Variants in SLIT3 observed in about 807,000 individuals in gnomAD.
The protein encoded by SLIT3 is slit guidance ligand 3.
In SLIT3, 68 loss-of-function variants were observed where a neutral mutation model predicts 184.0. The observed-to-expected ratio is 0.37, with a 90% CI of 0.30 to 0.45. SLIT3 has a LOEUF of 0.45. Among genes scored for constraint, SLIT3 ranks in the 20% least tolerant of loss-of-function variants. SLIT3 has a pLI of 1.00. For synonymous variants in SLIT3, 831 were observed against 828.6 expected, an observed-to-expected ratio of 1.00 and a Z score of -0.05; for missense variants, 1,707 against 2,026.0, an observed-to-expected ratio of 0.84 and a Z score of 3.02.
chr5:169,046,246 C>G (rs1476013998), intron 4 of SLIT3, among the ~76,000 whole-genome samples: 2 of 152,084 alleles, frequency 1.3e-5, no homozygotes, highest in Non-Finnish European at 2.9e-5. Flanking sequence ...TAGGGTCTGG[C>G]AGTGAAACAT....
chr5:169,253,901 C>T (rs1471238548), intron 1 of SLIT3, among the ~76,000 whole-genome samples: 6 of 152,140 alleles, frequency 3.9e-5, no homozygotes, highest in East Asian at 1.9e-4. Context: ...GCCTGTCCTT[C>T]GCAGCATTTC....
chr5:169,172,115 A>C (rs1040400596), intron 4 of SLIT3, among the ~76,000 whole-genome samples: 2 of 152,146 alleles, frequency 1.3e-5, no homozygotes, highest in Non-Finnish European at 2.9e-5. Context: ...CCTGGAGAGG[A>C]AAATGGGTGC....
intron 5 of SLIT3, among the ~76,000 whole-genome samples, chr5:168,867,497 T>G (rs967222962): frequency 6.6e-6 from 1 of 152,172 alleles, no homozygotes; most frequent in South Asian, 2.1e-4. Context: ...TCAGTGAAAA[T>G]GACCAGTGGT....
In SLIT3 at chr5:168,696,335, G is replaced by A. The variant is rs79266600; in HGVS notation, c.3039C>T (p.Asp1013=). ...NDCENNATCV[D]GINNYVCICP... ...AGATACACACGTAGTTGTTGATCCC[G>A]TCCACGCAGGTGGCATTGTTTTCGC... Residue 1013 remains aspartate, a synonymous_variant, in exon 28 of 36, where the codon GAC becomes GAT. Transcript: ENST00000519560. 125 of 1,614,168 alleles carry A rather than the reference G, an allele frequency of 7.7e-5. No individual in the cohort carries two copies. Among genetic ancestry groups the A allele is most frequent in the South Asian group, 2.0e-4 (18 of 91,080 alleles).
At chr5:168,845,655 A>G (rs1014280103) in intron 5 of SLIT3, among the ~76,000 whole-genome samples, 3 of 152,148 alleles carry the variant, frequency 2.0e-5, no homozygotes, top group Non-Finnish European at 2.9e-5. Context: ...AATATATATA[A>G]TGTGTAAGTC....
intron 4 of SLIT3, among the ~76,000 whole-genome samples, chr5:169,029,763 G>A (rs375375185): frequency 6.6e-6 from 1 of 152,096 alleles, no homozygotes; most frequent in South Asian, 2.1e-4. Context: ...GGGGAGGGAG[G>A]GAAGGAGAGA....
chr5:168,947,440 C>T (rs1762516058), intron 4 of SLIT3, among the ~76,000 whole-genome samples: 1 of 152,172 alleles, frequency 6.6e-6, no homozygotes. Flanking sequence ...TCACTGCTCT[C>T]TTTGGCCAGG....
intron 1 of SLIT3, among the ~76,000 whole-genome samples, chr5:169,280,084 G>T (rs926730844): frequency 1.3e-5 from 2 of 152,214 alleles, no homozygotes; most frequent in Non-Finnish European, 2.9e-5. Flanking sequence ...TTCAAACTCA[G>T]GTCTTTCTGA....
intron 4 of SLIT3, among the ~76,000 whole-genome samples, chr5:169,134,734 G>A (rs1162378857): frequency 6.6e-6 from 1 of 152,150 alleles, no homozygotes; most frequent in Non-Finnish European, 1.5e-5. Context: ...ATGTACCCTA[G>A]AACTTAAAGT....
At chr5:168,904,993 C>T (rs1415175111) in intron 4 of SLIT3, among the ~76,000 whole-genome samples, 1 of 152,032 alleles carries the variant, frequency 6.6e-6, no homozygotes, top group Non-Finnish European at 1.5e-5. Flanking sequence ...ATAGTAAAAC[C>T]CCATCTCTAC....
chr5:169,257,846 T>C (rs991059845), intron 1 of SLIT3, among the ~76,000 whole-genome samples: 2 of 152,120 alleles, frequency 1.3e-5, no homozygotes, highest in African/African-American at 2.4e-5. Flanking sequence ...TGAGCCACCA[T>C]GCCCAGCCTT....
intron 26 of SLIT3, 70 bp downstream of exon 26, chr5:168,707,906 C>T: frequency 6.3e-7 from 1 of 1,592,258 alleles, no homozygotes; most frequent in Non-Finnish European, 8.6e-7. Flanking sequence ...GGCATGGTGC[C>T]CCTCTCTAGG....
At position 169,189,296 on chromosome 5, in the gene SLIT3, C is replaced by T. The variant is rs558135591; in HGVS notation, c.413+4183G>A. Among the ~76,000 whole-genome samples, 6 of 151,918 alleles carry T rather than the reference C, an allele frequency of 3.9e-5. No individual in the cohort carries two copies. The East Asian group carries it at 9.7e-4, about 25-fold the overall frequency. On this transcript the variant is annotated intron_variant, in intron 4 of 35. Transcript: ENST00000519560. ...TTTTGAGCATAACTTCAGCTGCCCA[C>T]GGTAATTAGCATGGCAGTGTGGTAT...
intron 4 of SLIT3, among the ~76,000 whole-genome samples, chr5:169,060,603 C>T (rs935904549): frequency 5.9e-5 from 9 of 152,128 alleles, no homozygotes; most frequent in African/African-American, 1.4e-4. Context: ...GGGGTGTGAG[C>T]GTCATTAGCT....
chr5:168,820,594 G>A (rs2113664298), intron 7 of SLIT3, among the ~76,000 whole-genome samples: 1 of 152,258 alleles, frequency 6.6e-6, no homozygotes, highest in Non-Finnish European at 1.5e-5. Context: ...TCTCTTCCCA[G>A]CCCATGGCCC....
chr5:168,737,356 C>T (rs1277446570), intron 20 of SLIT3, among the ~76,000 whole-genome samples: 4 of 152,192 alleles, frequency 2.6e-5, no homozygotes, highest in East Asian at 3.9e-4. Flanking sequence ...CTTGTCATCA[C>T]CTCTTGCCAC....
At chr5:169,112,962 C>A (rs2113264868) in intron 4 of SLIT3, among the ~76,000 whole-genome samples, 1 of 152,308 alleles carries the variant, frequency 6.6e-6, no homozygotes, top group South Asian at 2.1e-4. Flanking sequence ...GCTACTTCCT[C>A]ATGTTTAACC....
At chr5:169,242,547 C>CA (rs1207036266) in intron 3 of SLIT3, among the ~76,000 whole-genome samples, 1 of 152,146 alleles carries the variant, frequency 6.6e-6, no homozygotes, top group African/African-American at 2.4e-5. Context: ...TTGATGCAGA[C>CA]AAACACTGGT....
chr5:169,191,263 C>T (rs1763541161), intron 4 of SLIT3, among the ~76,000 whole-genome samples: 1 of 152,228 alleles, frequency 6.6e-6, no homozygotes, highest in African/African-American at 2.4e-5. Context: ...TCAACCATCA[C>T]TGATGGAGTG....
Sources: allele counts gnomAD v4.1 joint callset (sites outside exome capture counted in the v4.1 genomes callset), GRCh38; gene constraint gnomAD v4.1.1; transcripts MANE v1.5; gene names NCBI Gene and HGNC (gene_info 2026-07-23, HGNC 2026-07-21).